SUGCT: variants seen among roughly 807,000 people sequenced by gnomAD.
The protein encoded by SUGCT is succinyl-CoA:glutarate CoA-transferase.
Under a neutral mutation model 55.0 loss-of-function variants are expected in SUGCT, and 41 were observed. That is an observed-to-expected ratio of 0.74 (90% CI 0.58 to 0.97). The LOEUF is 0.97. Among genes scored for constraint, SUGCT ranks in the 50% least tolerant of loss-of-function variants. The pLI is 0.00. For missense variants in SUGCT, 568 were observed against 547.8 expected (o/e 1.04, Z -0.37); for synonymous variants, 187 against 200.4 (o/e 0.93, Z 0.56).
chr7:40,151,131 T>C (rs1390619055), intron 1 of SUGCT, among the ~76,000 whole-genome samples: 1 of 151,996 alleles, frequency 6.6e-6, no homozygotes, highest in African/African-American at 2.4e-5. Flanking sequence ...TACCAGCTAA[T>C]TGGGAGGCTG....
At chr7:40,907,403 G>A in the SUGCT span, among the ~76,000 whole-genome samples, 1 of 152,122 alleles carries the variant, frequency 6.6e-6, no homozygotes, top group African/African-American at 2.4e-5. Flanking sequence ...GCAAGGCAAG[G>A]CCCATAAATA....
intron 12 of SUGCT, among the ~76,000 whole-genome samples, chr7:40,584,686 G>A (rs922018697): frequency 2.6e-5 from 4 of 152,206 alleles, no homozygotes; most frequent in Admixed American, 1.3e-4. Context: ...ATTAAATGAG[G>A]TGATAGAGCT....
intron 13 of SUGCT, among the ~76,000 whole-genome samples, chr7:40,761,910 C>T (rs1325291650): frequency 6.6e-6 from 1 of 152,152 alleles, no homozygotes; most frequent in African/African-American, 2.4e-5. Context: ...TCCCGGGGAG[C>T]GTCAAAGTGG....
intron 13 of SUGCT, among the ~76,000 whole-genome samples, chr7:40,767,592 G>A (rs1482039338): frequency 2.0e-5 from 3 of 152,144 alleles, no homozygotes; most frequent in Admixed American, 6.5e-5. Context: ...TCTGGGCAAT[G>A]GAAAGAATGC....
At chr7:40,837,993 A>G (rs964798445) in intron 13 of SUGCT, among the ~76,000 whole-genome samples, 11 of 152,086 alleles carry the variant, frequency 7.2e-5, no homozygotes, top group Admixed American at 7.2e-4. Context: ...CTCTAGCACC[A>G]TTTGCTGAAA....
intron 8 of SUGCT, among the ~76,000 whole-genome samples, chr7:40,298,230 G>A (rs892560045): frequency 6.6e-6 from 1 of 152,006 alleles, no homozygotes; most frequent in East Asian, 1.9e-4. Flanking sequence ...GCTAAAGTAG[G>A]CCTGAGGCTG....
chr7:40,541,289 A>G (rs1247346091), intron 12 of SUGCT, among the ~76,000 whole-genome samples: 2 of 152,230 alleles, frequency 1.3e-5, no homozygotes, highest in Non-Finnish European at 2.9e-5. Context: ...GCAGAAATGT[A>G]GAGATGTGGG....
intron 9 of SUGCT, among the ~76,000 whole-genome samples, chr7:40,433,064 C>T (rs1039546938): frequency 6.6e-6 from 1 of 151,896 alleles, no homozygotes; most frequent in Non-Finnish European, 1.5e-5. Flanking sequence ...CTGAATATTT[C>T]TTATGCTTGA....
intron 11 of SUGCT, among the ~76,000 whole-genome samples, chr7:40,462,975 T>C (rs1276027914): frequency 6.6e-6 from 1 of 152,226 alleles, no homozygotes; most frequent in Non-Finnish European, 1.5e-5. Context: ...TTTTTCAACA[T>C]GTTGATATAC....
intron 12 of SUGCT, among the ~76,000 whole-genome samples, chr7:40,683,750 A>G (rs1029322279): frequency 1.3e-5 from 2 of 152,240 alleles, no homozygotes; most frequent in African/African-American, 4.8e-5. Flanking sequence ...AGACGTTGTC[A>G]CTTAAGTAGG....
intron 13 of SUGCT, among the ~76,000 whole-genome samples, chr7:40,809,766 G>C (rs985437524): frequency 6.6e-6 from 1 of 152,010 alleles, no homozygotes; most frequent in African/African-American, 2.4e-5. Flanking sequence ...TAGTTTTTTA[G>C]CCCTTGTCAA....
At chr7:40,655,573 C>T (rs964718115) in intron 12 of SUGCT, among the ~76,000 whole-genome samples, 1 of 152,176 alleles carries the variant, frequency 6.6e-6, no homozygotes, top group African/African-American at 2.4e-5. Flanking sequence ...AGTTACAAAG[C>T]TGATGACCCA....
At chr7:40,606,095 A>T (rs1798520128) in intron 12 of SUGCT, among the ~76,000 whole-genome samples, 1 of 152,178 alleles carries the variant, frequency 6.6e-6, no homozygotes, top group African/African-American at 2.4e-5. Flanking sequence ...TAGTGGATGG[A>T]TAGAGGGTAG....
At chr7:40,375,533 A>G (rs1231098498) in intron 9 of SUGCT, among the ~76,000 whole-genome samples, 2 of 152,148 alleles carry the variant, frequency 1.3e-5, no homozygotes, top group Non-Finnish European at 2.9e-5. Flanking sequence ...CCTTCATGGA[A>G]TGTTCTTCCC....
At chr7:40,962,583 A>G in the SUGCT span, among the ~76,000 whole-genome samples, 1 of 149,282 alleles carries the variant, frequency 6.7e-6, no homozygotes, top group African/African-American at 2.5e-5. Flanking sequence ...ACACACACAC[A>G]CACACACACA....
chr7:40,688,210 G>A (rs542053586), intron 12 of SUGCT, among the ~76,000 whole-genome samples: 1 of 152,252 alleles, frequency 6.6e-6, no homozygotes, highest in South Asian at 2.1e-4. Context: ...TTTCTTCCAT[G>A]TGACAATGTT....
chr7:40,392,740 G>A (rs2151305232), intron 9 of SUGCT, among the ~76,000 whole-genome samples: 1 of 152,272 alleles, frequency 6.6e-6, no homozygotes, highest in African/African-American at 2.4e-5. Context: ...AGGAAGGGAA[G>A]CCAGATTTAA....
chr7:40,300,980 C>G (rs1332052691), intron 8 of SUGCT, among the ~76,000 whole-genome samples: 3 of 152,110 alleles, frequency 2.0e-5, no homozygotes, highest in East Asian at 1.9e-4. Context: ...GGGGAAGAGG[C>G]AAGGAGGTGT....
chr7:40,338,653 T>C (rs1256943963), intron 9 of SUGCT, among the ~76,000 whole-genome samples: 1 of 152,204 alleles, frequency 6.6e-6, no homozygotes, highest in African/African-American at 2.4e-5. Context: ...ATTCGTCTTA[T>C]CTTTTTTCAA....
Sources: allele counts gnomAD v4.1 joint callset (sites outside exome capture counted in the v4.1 genomes callset), GRCh38; gene constraint gnomAD v4.1.1; transcripts MANE v1.5; gene names NCBI Gene and HGNC (gene_info 2026-07-23, HGNC 2026-07-21).